The following PCDHGA7 variants were observed in gnomAD, a reference collection of about 807,000 sequenced individuals.
PCDHGA7 encodes protocadherin gamma-A7.
PCDHGA7 carries 44 observed loss-of-function variants against 58.3 expected under a neutral mutation model. The ratio of observed to expected loss-of-function variants is 0.75; its 90% CI spans 0.59 to 0.97. The LOEUF (loss-of-function observed/expected upper bound fraction) is 0.97, where lower values mean the gene tolerates loss of function less well. PCDHGA7 is among the 50% of genes least tolerant of loss of function. PCDHGA7 has a pLI of 0.00. For synonymous variants in PCDHGA7, 516 were observed against 504.2 expected, an observed-to-expected ratio of 1.02 and a Z score of -0.31; for missense variants, 1,266 against 1,188.7, an observed-to-expected ratio of 1.06 and a Z score of -0.96.
chr5:141,476,952 T>A lies in PCDHGA7; in HGVS notation c.2425-17855T>A, dbSNP rs1463851594. On this transcript the variant is annotated intron_variant, in intron 1 of 3. Transcript: ENST00000518325. This position sits in a 1 kb window ranked among gnomAD's most constrained non-coding sequence, Gnocchi z 7.6. ...CTGGATGAAGGCCCCAACGGTGAAA[T>A]TATTTACTCCTTCGGCAGCCACAAC... 1 of 1,614,052 alleles carries A rather than the reference T, an allele frequency of 6.2e-7. No individual in the cohort carries two copies. Among genetic ancestry groups the A allele is most frequent in the Non-Finnish European group, 8.5e-7 (1 of 1,180,038 alleles).
Position 141,432,846 on chromosome 5 carries a change from C to T in PCDHGA7, c.2424+47523C>T, listed in dbSNP as rs1312403897. ...GACCTCACTCTGTACCTGGTGGTAGCGGTGGCCGCGGTCTCCTGCGTCTTC... is the reference window on the plus strand; with the variant it reads ...GACCTCACTCTGTACCTGGTGGTAGTGGTGGCCGCGGTCTCCTGCGTCTTC... On this transcript the variant is annotated intron_variant, in intron 1 of 3. Transcript: ENST00000518325. The surrounding 1 kb of genome is among the most constrained non-coding windows in gnomAD (Gnocchi z 6.0). 2.5e-6 allele frequency: 4 copies of T among 1,614,192 alleles called. No homozygotes were observed. The African/African-American group carries it at 5.3e-5, about 22-fold the overall frequency.
rs764156663 is a variant in PCDHGA7 at position 141,382,871 on chromosome 5, G to A, written c.-29G>A. 2.6e-6 allele frequency: 4 copies of A among 1,520,506 alleles called. No individual in the cohort carries two copies. The South Asian group carries it at 4.0e-5, about 15-fold the overall frequency. 94.2% of individuals were successfully genotyped at this position (1,520,506 alleles called of 1,614,324 possible). On this transcript the variant is annotated 5_prime_UTR_variant, in exon 1 of 4. Coordinates refer to ENST00000518325, the MANE Select transcript of PCDHGA7 (RefSeq NM_018920.4). ...GCATTCTGAAGCACTTCCCGAGATC[G>A]GCGCCTAAGCAAGAGAAGCAGGACG... is the stretch of plus-strand genomic sequence containing the variant.
intron 1 of PCDHGA7, among the ~76,000 whole-genome samples, chr5:141,488,511 G>A (rs2099676160): frequency 6.6e-6 from 1 of 152,162 alleles, no homozygotes. Context: ...CCACATTTGG[G>A]GTCTGGGGTG....
chr5:141,483,099 C>T (rs10068400), intron 1 of PCDHGA7, among the ~76,000 whole-genome samples: 3,098 of 152,014 alleles, frequency 0.02, 87 homozygotes, highest in African/African-American at 0.065. Flanking sequence ...AAAAAGTGTG[C>T]GTGTAAAACA....
intron 1 of PCDHGA7, chr5:141,441,746 C>T: frequency 2.7e-6 from 1 of 371,314 alleles, no homozygotes; most frequent in East Asian, 9.8e-5. Flanking sequence ...TCGCGCTCGG[C>T]GTCAACGTGA....
At position 141,383,693 on chromosome 5, in the gene PCDHGA7, A is replaced by C. The variant is rs771447649; in HGVS notation, c.794A>C (p.His265Pro). Residue 265 changes from histidine (H) to proline (P), a missense_variant, in exon 1 of 4, where the codon CAT becomes CCT. Physicochemically the swap from His to Pro is moderately conservative, Grantham distance 77 (BLOSUM62 -2). Coordinates refer to ENST00000518325, the MANE Select transcript of PCDHGA7 (RefSeq NM_018920.4). ...VPVGTRLLTVHAIDLDEGVNG... is the reference protein window; with the variant it reads ...VPVGTRLLTVPAIDLDEGVNG... The stretch of plus-strand genomic sequence containing the variant: ...GTGGGTACAAGACTGCTCACGGTAC[A>C]TGCTATCGACCTGGACGAGGGAGTC... The C allele has an allele frequency of 3.7e-6, 6 of 1,613,930 alleles. No individual in the cohort carries two copies. The highest frequency in any genetic ancestry group is 5.1e-6 in the Non-Finnish European group (6 of 1,179,910).
rs2097438776 is a variant in PCDHGA7 at position 141,432,018 on chromosome 5, T to C, written c.2424+46695T>C. Reference sequence around the variant, plus strand: ...AGGGAACAGGTTCCTAGCTACAACATCACAGTGACCGCCACTGACCGGGGA... The same window carrying C: ...AGGGAACAGGTTCCTAGCTACAACACCACAGTGACCGCCACTGACCGGGGA... On this transcript the variant is annotated intron_variant, in intron 1 of 3. Transcript: ENST00000518325. This position sits in a 1 kb window ranked among gnomAD's most constrained non-coding sequence, Gnocchi z 6.0. 1.9e-6 allele frequency: 3 copies of C among 1,614,048 alleles called. No homozygotes were observed. In the South Asian group the frequency reaches 3.3e-5, roughly 18 times the overall value.
At position 141,487,270 on chromosome 5, in the gene PCDHGA7, A is replaced by T. The variant is rs777469322; in HGVS notation, c.2425-7537A>T. 6.2e-7 allele frequency: 1 copy of T among 1,614,046 alleles called. No homozygotes were observed. Among genetic ancestry groups the T allele is most frequent in the South Asian group, 1.1e-5 (1 of 91,076 alleles). On this transcript the variant is annotated intron_variant, in intron 1 of 3. Transcript: ENST00000518325. The surrounding 1 kb of genome is among the most constrained non-coding windows in gnomAD (Gnocchi z 5.0). ...TCTACTTGGCTGTGTCCCTAGTGGC[A>T]ATTTGCTTTGTCTCCTTTGGCTCAT... is the stretch of plus-strand genomic sequence containing the variant.
chr5:141,467,681 A>G (rs2099148744), intron 1 of PCDHGA7, among the ~76,000 whole-genome samples: 1 of 152,076 alleles, frequency 6.6e-6, no homozygotes, highest in African/African-American at 2.4e-5. Flanking sequence ...TATTTTTTTT[A>G]GACAGGGTCT....
In PCDHGA7 at chr5:141,383,020, A is replaced by T. The variant is rs1778718840; in HGVS notation, c.121A>T (p.Lys41Ter). 1 of 1,613,730 alleles carries T rather than the reference A, an allele frequency of 6.2e-7. No homozygotes were observed. Among genetic ancestry groups the T allele is most frequent in the African/African-American group, 1.3e-5 (1 of 74,950 alleles). Residue 41 changes from lysine (K) to a stop codon, truncating the protein, a stop_gained, in exon 1 of 4, where the codon AAA (lysine) becomes TAA (stop). Coordinates refer to ENST00000518325, the MANE Select transcript of PCDHGA7 (RefSeq NM_018920.4). LOFTEE classifies it high-confidence loss of function. ...ILYSVSEETD[K>*]GSFVGDIAKD... ...CTACTCCGTGTCGGAGGAGACGGAC[A>T]AAGGGTCCTTTGTGGGAGACATCGC...
chr5:141,473,254 T>C (rs1203765731), intron 1 of PCDHGA7, among the ~76,000 whole-genome samples: 5 of 152,152 alleles, frequency 3.3e-5, no homozygotes, highest in African/African-American at 4.8e-5. Context: ...ACATATATAG[T>C]CCTTAGTGTA....
chr5:141,384,702 C>T lies in PCDHGA7; in HGVS notation c.1803C>T (p.Asn601=), dbSNP rs115492697. ...VVAVDKDSGQ[N]AWLSYLLLKA... ...CGGTGGACAAAGATTCAGGCCAGAACGCCTGGCTGTCATACCTCCTGCTTA... is the reference window on the plus strand; with the variant it reads ...CGGTGGACAAAGATTCAGGCCAGAATGCCTGGCTGTCATACCTCCTGCTTA... Residue 601 remains asparagine, a synonymous_variant, in exon 1 of 4, where the codon AAC becomes AAT. Coordinates refer to ENST00000518325, the MANE Select transcript of PCDHGA7 (RefSeq NM_018920.4). The T allele has an allele frequency of 1.9e-3, 3,011 of 1,614,186 alleles. 49 individuals carry two copies. The African/African-American group carries it at 0.033, about 18-fold the overall frequency.
chr5:141,441,327 C>T (rs973149197), intron 1 of PCDHGA7: 2 of 152,196 alleles, frequency 1.3e-5, no homozygotes, highest in Admixed American at 6.5e-5. Flanking sequence ...AAAAATCTTC[C>T]TCCAATAATT....
intron 1 of PCDHGA7, chr5:141,442,020 A>G (rs1461958612): frequency 4.6e-6 from 1 of 219,170 alleles, no homozygotes; most frequent in South Asian, 5.2e-5. Context: ...GATGGGCCAC[A>G]GGAAAGCGAC....
chr5:141,404,919 C>T, intron 1 of PCDHGA7: 1 of 1,613,924 alleles, frequency 6.2e-7, no homozygotes, highest in Non-Finnish European at 8.5e-7. Context: ...CCTCTCTCGG[C>T]CACTGTCACG....
rs751560177 is a variant in PCDHGA7 at position 141,432,962 on chromosome 5, G to T, written c.2424+47639G>T. 7 of 1,614,092 alleles carry T rather than the reference G, an allele frequency of 4.3e-6. No individual in the cohort carries two copies. The highest frequency in any genetic ancestry group is 5.9e-6 in the Non-Finnish European group (7 of 1,180,046). Reference sequence around the variant, plus strand: ...GGCTTCAGGAGGCGGCTTGACAGGAGCGCCGGCGTCGCACTTTGTGGGCGT... The same window carrying T: ...GGCTTCAGGAGGCGGCTTGACAGGATCGCCGGCGTCGCACTTTGTGGGCGT... On this transcript the variant is annotated intron_variant, in intron 1 of 3. Transcript: ENST00000518325. The surrounding 1 kb of genome is among the most constrained non-coding windows in gnomAD (Gnocchi z 6.0).
At chr5:141,504,182 C>A (rs2099836345) in intron 2 of PCDHGA7, among the ~76,000 whole-genome samples, 1 of 152,234 alleles carries the variant, frequency 6.6e-6, no homozygotes, top group Non-Finnish European at 1.5e-5. Context: ...TCAAAAAAAT[C>A]ATGAAAATTG....
At chr5:141,402,474 G>T (rs2094271773) in intron 1 of PCDHGA7, among the ~76,000 whole-genome samples, 1 of 152,122 alleles carries the variant, frequency 6.6e-6, no homozygotes, top group South Asian at 2.1e-4. Flanking sequence ...GAAATAGAGT[G>T]CAAAGTTCTA....
At chr5:141,394,681 C>G in intron 1 of PCDHGA7, 2 of 1,612,998 alleles carry the variant, frequency 1.2e-6, no homozygotes, top group Non-Finnish European at 1.7e-6. Context: ...GGTCTGCACA[C>G]GGGCGAGGTG....
Sources: gnomAD v4.1 joint callset for allele counts (sites outside exome capture counted in the v4.1 genomes callset) on GRCh38, gnomAD v4.1.1 for gene constraint, Gnocchi (gnomAD v3.1) non-coding constraint, MANE v1.5 for transcripts, NCBI Gene and HGNC (gene_info 2026-07-23, HGNC 2026-07-21) for gene names.